Variants in TM9SF4 observed in about 807,000 individuals in gnomAD.
TM9SF4 encodes the protein transmembrane 9 superfamily member 4.
Under a neutral mutation model 90.4 loss-of-function variants are expected in TM9SF4, and 26 were observed. The observed-to-expected ratio is 0.29, with a 90% CI of 0.21 to 0.40. TM9SF4 has a LOEUF of 0.40. TM9SF4 is among the 10% of genes least tolerant of loss of function. TM9SF4 has a pLI of 1.00. For synonymous variants in TM9SF4, 293 were observed against 315.4 expected (o/e 0.93, Z 0.75); for missense variants, 549 against 834.8 (o/e 0.66, Z 4.22).
Position 32,110,120 on chromosome 20 carries a change from C to T in TM9SF4, c.15+365C>T, listed in dbSNP as rs1040111017. On this transcript the variant is annotated intron_variant, in intron 1 of 17. Coordinates refer to ENST00000398022, the MANE Select transcript of TM9SF4 (RefSeq NM_014742.4). ...TCCCGTTATTCTCATCCTTGCTCCTCCCCGTCACGTCCAGACCCTGCTCTC... is the reference window on the plus strand; with the variant it reads ...TCCCGTTATTCTCATCCTTGCTCCTTCCCGTCACGTCCAGACCCTGCTCTC... 10 of 1,091,084 alleles carry T rather than the reference C, an allele frequency of 9.2e-6. No homozygotes were observed. In the African/African-American group the frequency reaches 1.3e-4, roughly 14 times the overall value. The allele number at this position is 1,091,084 out of a possible 1,614,324, so 67.6% of individuals were successfully genotyped here.
intron 13 of TM9SF4, 25 bp from the exon 14 acceptor site, chr20:32,157,769 G>A: frequency 6.2e-7 from 1 of 1,612,418 alleles, no homozygotes; most frequent in Non-Finnish European, 8.5e-7. Flanking sequence ...GGCCTCGTGG[G>A]GGCCTCATGG....
intron 8 of TM9SF4, 60 bp downstream of exon 8, chr20:32,145,483 T>C (rs2046750983): frequency 6.9e-7 from 1 of 1,459,270 alleles, no homozygotes; most frequent in African/African-American, 1.4e-5. Flanking sequence ...GACTGAGACA[T>C]CACATCATGT....
intron 1 of TM9SF4, among the ~76,000 whole-genome samples, chr20:32,132,595 A>C (rs2046536008): frequency 6.6e-6 from 1 of 152,128 alleles, no homozygotes; most frequent in African/African-American, 2.4e-5. Context: ...ACTTGTAGGA[A>C]CATCTCTTGG....
At chr20:32,162,001 C>T (rs2047025693) in intron 17 of TM9SF4, among the ~76,000 whole-genome samples, 2 of 152,320 alleles carry the variant, frequency 1.3e-5, no homozygotes, top group African/African-American at 4.8e-5. Context: ...ACTAGGGCAA[C>T]TCACAGAGCT....
chr20:32,164,202 C>T (rs1388318141), intron 17 of TM9SF4, among the ~76,000 whole-genome samples: 4 of 151,892 alleles, frequency 2.6e-5, no homozygotes, highest in East Asian at 1.9e-4. Flanking sequence ...ACCCCTCCCC[C>T]GACCACCAGC....
Position 32,146,872 on chromosome 20 carries a change from G to A in TM9SF4, c.954+17G>A. 1.2e-6 allele frequency: 2 copies of A among 1,612,106 alleles called. No individual in the cohort carries two copies. Among genetic ancestry groups the A allele is most frequent in the Non-Finnish European group, 1.7e-6 (2 of 1,179,088 alleles). On this transcript the variant is annotated intron_variant, in intron 9 of 17. Transcript: ENST00000398022. ...GATGACATTGTACGAGGTCTTGGCT[G>A]GGGAGGGATGAAGTTGGATGGGGAG...
At chr20:32,153,645 G>C (rs999697086) in intron 12 of TM9SF4, among the ~76,000 whole-genome samples, 3 of 152,344 alleles carry the variant, frequency 2.0e-5, no homozygotes, top group African/African-American at 7.2e-5. Context: ...TCAGGCAGGT[G>C]AGGTGGGAGG....
intron 1 of TM9SF4, among the ~76,000 whole-genome samples, 174 bp from the exon 2 acceptor site, chr20:32,132,839 G>T (rs1276999942): frequency 1.3e-5 from 2 of 152,128 alleles, no homozygotes; most frequent in African/African-American, 2.4e-5. Context: ...TTGTCCTGTG[G>T]CACTCTTGGG....
intron 1 of TM9SF4, among the ~76,000 whole-genome samples, chr20:32,121,921 G>C (rs1332316515): frequency 1.4e-5 from 2 of 147,830 alleles, no homozygotes; most frequent in African/African-American, 2.5e-5. Context: ...CGGCTGGCCG[G>C]GCGGGGGGCT....
chr20:32,155,333 A>C, intron 13 of TM9SF4, 147 bp downstream of exon 13: 1 of 740,202 alleles, frequency 1.4e-6, no homozygotes, highest in Non-Finnish European at 2.3e-6. Flanking sequence ...GCAGAGGGCC[A>C]GCTGGGGTTT....
At chr20:32,119,034 A>G (rs972697542) in intron 1 of TM9SF4, among the ~76,000 whole-genome samples, 5 of 152,114 alleles carry the variant, frequency 3.3e-5, no homozygotes, top group African/African-American at 7.2e-5. Flanking sequence ...AATATATTCA[A>G]TTTTTACTTG....
intron 3 of TM9SF4, among the ~76,000 whole-genome samples, 190 bp from the exon 4 acceptor site, chr20:32,141,307 G>A (rs2046674514): frequency 6.6e-6 from 1 of 151,986 alleles, no homozygotes; most frequent in South Asian, 2.1e-4. Context: ...AAAGGAGGAG[G>A]GTGGCAGGTC....
intron 3 of TM9SF4, among the ~76,000 whole-genome samples, chr20:32,139,965 T>C (rs779888491): frequency 6.6e-6 from 1 of 152,236 alleles, no homozygotes; most frequent in Non-Finnish European, 1.5e-5. Flanking sequence ...GCAAGTTATA[T>C]ATTCTCATTT....
At chr20:32,145,492 G>A (rs117226364) in intron 8 of TM9SF4, 69 bp downstream of exon 8, 38,875 of 1,386,902 alleles carry the variant, frequency 0.028, 956 homozygotes, top group Admixed American at 0.11. Context: ...ATCACATCAT[G>A]TATGGGGGAC....
Position 32,161,379 on chromosome 20 carries a change from TGAG to T in TM9SF4, c.1779+19_1779+21del. On this transcript the variant is annotated intron_variant, in intron 17 of 17. Coordinates refer to ENST00000398022, the MANE Select transcript of TM9SF4 (RefSeq NM_014742.4). ...TTCGTTAACAAGGTACTGCCCTCCT[TGAG>T]GAGGTCCTCTTAGTCCTCATAGGGT... 1 of 1,610,546 alleles carries T rather than the reference TGAG, an allele frequency of 6.2e-7. No individual in the cohort carries two copies. The highest frequency in any genetic ancestry group is 1.7e-5 in the Admixed American group (1 of 60,006).
In TM9SF4 at chr20:32,143,826, C is replaced by A. The variant is rs571388595; in HGVS notation, c.652+721C>A. 5.9e-5 allele frequency among the ~76,000 whole-genome samples: 9 copies of A among 152,212 alleles called. No homozygotes were observed. The East Asian group carries it at 1.7e-3, about 29-fold the overall frequency. On this transcript the variant is annotated intron_variant, in intron 6 of 17. Coordinates refer to ENST00000398022, the MANE Select transcript of TM9SF4 (RefSeq NM_014742.4). Reference sequence around the variant, plus strand: ...GCCCTTCAAGAGCTCCATAGCACATCTCCCCTGGGAGCTTCCCGAGCGCAG... The same window carrying A: ...GCCCTTCAAGAGCTCCATAGCACATATCCCCTGGGAGCTTCCCGAGCGCAG...
chr20:32,123,866 A>ATATATATAATTTTTTTTT, intron 1 of TM9SF4, among the ~76,000 whole-genome samples: 1 of 93,980 alleles, frequency 1.1e-5, no homozygotes, highest in Non-Finnish European at 2.0e-5. Flanking sequence ...ATATATATAT[A>ATATATATAATTTTTTTTT]TTTTTTTTTT....
At chr20:32,121,862 CGGCTGGCCGGGCGGGG>C (rs1346042980) in intron 1 of TM9SF4, among the ~76,000 whole-genome samples, 1 of 146,120 alleles carries the variant, frequency 6.8e-6, no homozygotes, top group Non-Finnish European at 1.5e-5. Context: ...CCGGACGGGG[CGGCTGGCCGGGCGGGG>C]GGCTGACCCC....
rs139203026 is a variant in TM9SF4, at chr20:32,112,241, A to C, written c.15+2486A>C. ...CTTGGACAACATGGCAAACCCCTCT[A>C]CAAAAAAAATACAAAAAGAAAAAAT... On this transcript the variant is annotated intron_variant, in intron 1 of 17. Coordinates refer to ENST00000398022, the MANE Select transcript of TM9SF4 (RefSeq NM_014742.4). 6.7e-3 allele frequency among the ~76,000 whole-genome samples: 1,012 copies of C among 152,156 alleles called. 13 individuals carry two copies. The highest frequency in any genetic ancestry group is 0.022 in the African/African-American group (932 of 41,522).
Sources: allele counts gnomAD v4.1 joint callset (sites outside exome capture counted in the v4.1 genomes callset), GRCh38; gene constraint gnomAD v4.1.1; transcripts MANE v1.5; gene names NCBI Gene and HGNC (gene_info 2026-07-23, HGNC 2026-07-21).